CCDC136: variants seen among roughly 807,000 people sequenced by gnomAD.
CCDC136 encodes coiled-coil domain-containing protein 136.
Under a neutral mutation model 141.2 loss-of-function variants are expected in CCDC136, and 100 were observed. The ratio of observed to expected loss-of-function variants is 0.71; its 90% CI spans 0.60 to 0.84. The LOEUF (loss-of-function observed/expected upper bound fraction) is 0.84. Ranked by LOEUF, CCDC136 falls within the 40% of genes least tolerant of loss-of-function variation. The pLI, the probability that CCDC136 is intolerant of heterozygous loss-of-function variation, is 0.00. For missense variants in CCDC136, 1,206 were observed against 1,379.4 expected (o/e 0.87, Z 1.99); for synonymous variants, 474 against 531.9 (o/e 0.89, Z 1.50).
At chr7:128,802,125 G>A (rs145308922) in intron 4 of CCDC136, among the ~76,000 whole-genome samples, 44 of 152,190 alleles carry the variant, frequency 2.9e-4, no homozygotes, top group African/African-American at 1.0e-3. Flanking sequence ...GAAGCTTTGG[G>A]GGGCAACAAA....
At chr7:128,791,488 G>A, upstream of CCDC136, 1 of 1,323,218 alleles carries the variant, frequency 7.6e-7, no homozygotes, top group Non-Finnish European at 9.6e-7. This position sits in a 1 kb window ranked among gnomAD's most constrained non-coding sequence, Gnocchi z 7.1. Context: ...GGCGGCGGGA[G>A]CGGTCATGGA....
intron 1 of CCDC136, among the ~76,000 whole-genome samples, chr7:128,792,796 G>A (rs187492688): frequency 6.6e-6 from 1 of 152,344 alleles, no homozygotes; most frequent in African/African-American, 2.4e-5. Flanking sequence ...GCAAGGAACT[G>A]GGCATGTGAA....
rs1807438523 is a variant in CCDC136 at position 128,821,559 on chromosome 7, A to G, written c.*6-240A>G. 6.6e-6 allele frequency among the ~76,000 whole-genome samples: 1 copy of G among 152,130 alleles called. No homozygotes were observed. The highest frequency in any genetic ancestry group is 1.5e-5 in the Non-Finnish European group (1 of 68,032). On this transcript the variant is annotated intron_variant, in intron 17 of 17. Coordinates refer to ENST00000297788, the MANE Select transcript of CCDC136 (RefSeq NM_022742.5). The surrounding 1 kb of genome is among the most constrained non-coding windows in gnomAD (Gnocchi z 5.1). ...ACATGGGAGCTAGTATTCTCAGCCC[A>G]TGGGGAGAAACGGAGGCCTGAATAC...
upstream of CCDC136, chr7:128,791,437 C>G (rs1802144844): frequency 1.1e-5 from 14 of 1,255,306 alleles, no homozygotes; most frequent in South Asian, 3.5e-4. The surrounding 1 kb of genome is among the most constrained non-coding windows in gnomAD (Gnocchi z 7.1). Flanking sequence ...CTCGGGTCCC[C>G]GGGCTCGCGG....
upstream of CCDC136, chr7:128,790,853 G>C (rs1401301353): frequency 6.6e-6 from 1 of 152,302 alleles, no homozygotes; most frequent in Non-Finnish European, 1.5e-5. The surrounding 1 kb of genome is among the most constrained non-coding windows in gnomAD (Gnocchi z 5.4). Flanking sequence ...GGAAAGCGGA[G>C]AGGTCAGGGC....
Position 128,794,798 on chromosome 7 carries a change from G to GTGACCACTTGGA in CCDC136, c.346+32_346+33insACCACTTGGATG. 1 of 1,536,596 alleles carries GTGACCACTTGGA rather than the reference G, an allele frequency of 6.5e-7. No individual in the cohort carries two copies. Among genetic ancestry groups the GTGACCACTTGGA allele is most frequent in the Non-Finnish European group, 8.8e-7 (1 of 1,133,948 alleles). ...TTCCCAGGACTTGGACTGGAGGGAG[G>GTGACCACTTGGA]TGGCCATCCAAGTGGTCACCTAAGT... On this transcript the variant is annotated intron_variant, in intron 3 of 17. Coordinates refer to ENST00000297788, the MANE Select transcript of CCDC136 (RefSeq NM_022742.5). This position sits in a 1 kb window ranked among gnomAD's most constrained non-coding sequence, Gnocchi z 4.3.
chr7:128,817,983 G>A lies in CCDC136; in HGVS notation c.*5+119G>A, dbSNP rs1408966625. The A allele has an allele frequency of 5.4e-6, 4 of 741,738 alleles. No homozygotes were observed. Among genetic ancestry groups the A allele is most frequent in the South Asian group, 1.7e-5 (1 of 58,874 alleles). The allele number at this position is 741,738 out of a possible 1,614,324, so 45.9% of individuals were successfully genotyped here. The stretch of plus-strand genomic sequence containing the variant: ...TCTTGCTTGTGCCATTTTATAATAG[G>A]TGATGCTCAGGTCTGAGTTTTAGTT... On this transcript the variant is annotated intron_variant, in intron 17 of 17. Transcript: ENST00000297788. This position sits in a 1 kb window ranked among gnomAD's most constrained non-coding sequence, Gnocchi z 4.6.
At position 128,812,699 on chromosome 7, in the gene CCDC136, C is replaced by T. The variant is rs774218659; in HGVS notation, c.2542-9C>T. On this transcript the variant is annotated splice_polypyrimidine_tract_variant and intron_variant, in intron 13 of 17. Transcript: ENST00000297788. Reference sequence around the variant, plus strand: ...CAGGGTGCTATTGTTGCTCCCCCACCCCCCGCAGCGCTTTGAGGAAATGGT... The same window carrying T: ...CAGGGTGCTATTGTTGCTCCCCCACTCCCCGCAGCGCTTTGAGGAAATGGT... The T allele has an allele frequency of 3.1e-6, 5 of 1,607,776 alleles. No individual in the cohort carries two copies. The highest frequency in any genetic ancestry group is 4.2e-6 in the Non-Finnish European group (5 of 1,177,252).
Position 128,815,645 on chromosome 7 carries a change from G to T in CCDC136, c.3077G>T (p.Ser1026Ile). ...GAGGTAGTGCTGTACTACAAGGCCA[G>T]CCAGAGGAAATTAGATGGACTAGCA... ...SLEVVLYYKA[S>I]QRKLDGLAKE... Residue 1026 changes from serine to isoleucine, a missense_variant, in exon 16 of 18, where the codon AGC (serine) becomes ATC (isoleucine). By Grantham distance (142) the Ser-to-Ile change is moderately radical. Coordinates refer to ENST00000297788, the MANE Select transcript of CCDC136 (RefSeq NM_022742.5). 1 of 1,556,420 alleles carries T rather than the reference G, an allele frequency of 6.4e-7. No individual in the cohort carries two copies. Among genetic ancestry groups the T allele is most frequent in the Admixed American group, 1.9e-5 (1 of 51,410 alleles).
rs763629447 is a variant in CCDC136, at chr7:128,805,873, GGTTTCA to G, written c.1063_1068del (p.Phe355_Gln356del). On this transcript the variant is annotated inframe_deletion, in exon 7 of 18. Transcript: ENST00000297788. The surrounding 1 kb of genome is among the most constrained non-coding windows in gnomAD (Gnocchi z 4.6). ...AAGTGTGCTCAGAATGAGGTGCTTC[GGTTTCA>G]GACCTCCCACAGTGTCACCCAGGTA... 1.2e-6 allele frequency: 2 copies of G among 1,613,772 alleles called. No individual in the cohort carries two copies. Among genetic ancestry groups the G allele is most frequent in the African/African-American group, 2.7e-5 (2 of 74,898 alleles).
At position 128,805,299 on chromosome 7, in the gene CCDC136, A is replaced by T; in HGVS notation, c.783-60A>T. ...ATGAAGGTATCAGGACAAAGCCTGC[A>T]TGGCTGGTGATGCCAGGCAGAACTC... On this transcript the variant is annotated intron_variant, in intron 5 of 17. Coordinates refer to ENST00000297788, the MANE Select transcript of CCDC136 (RefSeq NM_022742.5). The surrounding 1 kb of genome is among the most constrained non-coding windows in gnomAD (Gnocchi z 4.6). 1 of 1,496,314 alleles carries T rather than the reference A, an allele frequency of 6.7e-7. No individual in the cohort carries two copies. The highest frequency in any genetic ancestry group is 1.4e-5 in the African/African-American group (1 of 72,866). The allele number at this position is 1,496,314 out of a possible 1,614,324, so 92.7% of individuals were successfully genotyped here.
intron 12 of CCDC136, 96 bp downstream of exon 12, chr7:128,810,462 G>A (rs1405664778): frequency 1.9e-5 from 16 of 851,372 alleles, no homozygotes; most frequent in Non-Finnish European, 2.2e-5. Context: ...GGGAAGGCGT[G>A]TTTGGCCAGG....
intron 3 of CCDC136, among the ~76,000 whole-genome samples, chr7:128,795,727 G>C (rs1158156765): frequency 6.6e-6 from 1 of 152,046 alleles, no homozygotes; most frequent in East Asian, 1.9e-4. Flanking sequence ...GTGTGATCTT[G>C]GGCAAGTCAC....
Position 128,801,444 on chromosome 7 carries a change from A to C in CCDC136, c.605A>C (p.Glu202Ala), listed in dbSNP as rs758384173. Reference sequence around the variant, plus strand: ...ATGGAGATCGCCTCCCTCCGTGCAGAAATGGAAATGAAGAGCTCTGAACCA... The same window carrying C: ...ATGGAGATCGCCTCCCTCCGTGCAGCAATGGAAATGAAGAGCTCTGAACCA... The part of the protein sequence containing the change: ...YEMEIASLRA[E>A]MEMKSSEPSG... Residue 202 changes from glutamate (E) to alanine (A), a missense_variant, in exon 4 of 18, where the codon GAA becomes GCA. Coordinates refer to ENST00000297788, the MANE Select transcript of CCDC136 (RefSeq NM_022742.5). 1 of 1,613,516 alleles carries C rather than the reference A, an allele frequency of 6.2e-7. No homozygotes were observed. Among genetic ancestry groups the C allele is most frequent in the South Asian group, 1.1e-5 (1 of 90,972 alleles).
intron 13 of CCDC136, 30 bp from the exon 14 acceptor site, chr7:128,812,678 G>T (rs778234491): frequency 9.6e-6 from 15 of 1,556,876 alleles, no homozygotes; most frequent in African/African-American, 2.7e-5. Flanking sequence ...GCTCCTCAGG[G>T]TGCTATTGTT....
At chr7:128,816,327 A>G (rs1585126231) in intron 16 of CCDC136, among the ~76,000 whole-genome samples, 1 of 152,220 alleles carries the variant, frequency 6.6e-6, no homozygotes. Flanking sequence ...GGTCTGGGCA[A>G]GTCACTCAGT....
At chr7:128,808,850 T>C (rs1805267523) in intron 10 of CCDC136, 1 of 985,348 alleles carries the variant, frequency 1.0e-6, no homozygotes, top group South Asian at 4.7e-5. Context: ...GCACCTGCTT[T>C]TTCTCTAGCC....
intron 17 of CCDC136, among the ~76,000 whole-genome samples, chr7:128,818,549 C>T (rs145951102): frequency 1.4e-3 from 219 of 152,218 alleles, no homozygotes; most frequent in African/African-American, 5.1e-3. Context: ...TATTAGTTAT[C>T]TATTTATCTA....
Position 128,812,721 on chromosome 7 carries a change from T to C in CCDC136, c.2555T>C (p.Met852Thr), listed in dbSNP as rs975222210. The C allele has an allele frequency of 1.2e-6, 2 of 1,612,126 alleles. No individual in the cohort carries two copies. The highest frequency in any genetic ancestry group is 1.7e-6 in the Non-Finnish European group (2 of 1,179,486). The change falls in exon 14 of 18, where the codon ATG becomes ACG. Residue 852 changes from methionine (M) to threonine (T), a missense_variant. Coordinates refer to ENST00000297788, the MANE Select transcript of CCDC136 (RefSeq NM_022742.5). Reference protein sequence around the residue: ...EPEDMERFEEMVVKVLIKLQA... With the variant: ...EPEDMERFEETVVKVLIKLQA... ...CACCCCCCGCAGCGCTTTGAGGAAA[T>C]GGTTGTGAAAGTGCTGATCAAGCTG...
Sources: gnomAD v4.1 joint callset for allele counts (sites outside exome capture counted in the v4.1 genomes callset) on GRCh38, gnomAD v4.1.1 for gene constraint, Gnocchi (gnomAD v3.1) non-coding constraint, MANE v1.5 for transcripts, NCBI Gene and HGNC (gene_info 2026-07-23, HGNC 2026-07-21) for gene names.